Variants in SPEN observed in about 807,000 individuals in gnomAD.
SPEN encodes the protein msx2-interacting protein.
A neutral mutation model predicts 269.9 loss-of-function variants in SPEN; 18 were observed. That is an observed-to-expected ratio of 0.07 (90% CI 0.05 to 0.10). SPEN has a LOEUF of 0.10. Among genes scored for constraint, SPEN ranks in the 10% least tolerant of loss-of-function variants. SPEN has a pLI of 1.00. For synonymous variants in SPEN, 1,726 were observed against 1,765.7 expected (o/e 0.98, Z 0.56); for missense variants, 3,822 against 4,631.2 (o/e 0.83, Z 5.07).
In SPEN at chr1:15,932,549, G is replaced by A. The variant is rs768190118; in HGVS notation, c.6309G>A (p.Arg2103=). ...ATGTGGATGCTGCTGTCAGTCCCAG[G>A]GGGGCTGCAGCACAGGCAGGGGAGA... ...LKNVDAAVSP[R]GAAAQAGERE... is the part of the protein sequence containing the mutation. Residue 2103 remains arginine (R), a synonymous_variant, in exon 11 of 15, where the codon AGG becomes AGA. Coordinates refer to ENST00000375759, the MANE Select transcript of SPEN (RefSeq NM_015001.3). The surrounding 1 kb of genome is among the most constrained non-coding windows in gnomAD (Gnocchi z 4.2). 19 of 1,599,850 alleles carry A rather than the reference G, an allele frequency of 1.2e-5. No homozygotes were observed. The highest frequency in any genetic ancestry group is 1.1e-4 in the South Asian group (10 of 89,558).
intron 3 of SPEN, among the ~76,000 whole-genome samples, chr1:15,883,807 CTTTTTTTTTTTT>C (rs36018800): frequency 1.4e-5 from 1 of 69,550 alleles, no homozygotes; most frequent in African/African-American, 4.8e-5. Flanking sequence ...ATTTAAGATT[CTTTTTTTTTTTT>C]TTTTTTTTGA....
intron 3 of SPEN, among the ~76,000 whole-genome samples, chr1:15,881,231 A>G (rs1286089446): frequency 1.3e-5 from 2 of 152,126 alleles, no homozygotes; most frequent in Non-Finnish European, 2.9e-5. Flanking sequence ...CTGCCTCCCA[A>G]GTGCTAGGAT....
Position 15,928,722 on chromosome 1 carries a change from G to T in SPEN, c.2482G>T (p.Val828Phe). The change falls in exon 11 of 15, where the codon GTT becomes TTT. Residue 828 changes from valine (V) to phenylalanine (F), a missense_variant. Physicochemically the swap from Val to Phe is conservative, Grantham distance 50. Around this residue, in one of 16 missense-constraint regions of SPEN, gnomAD observed 572 missense variants for 582.6 expected, o/e 0.98. Coordinates refer to ENST00000375759, the MANE Select transcript of SPEN (RefSeq NM_015001.3). The surrounding 1 kb of genome is among the most constrained non-coding windows in gnomAD (Gnocchi z 5.7). ...KTDKQKRKGK[V>F]HSPSSQSSET... ...TGACAAGCAGAAACGCAAAGGAAAG[G>T]TTCACTCCCCTAGTTCTCAGTCTTC... The T allele has an allele frequency of 1.2e-6, 2 of 1,614,052 alleles. No individual in the cohort carries two copies. Among genetic ancestry groups the T allele is most frequent in the Non-Finnish European group, 1.7e-6 (2 of 1,180,032 alleles).
Position 15,916,122 on chromosome 1 carries a change from T to G in SPEN, c.1244-6T>G. 6.2e-7 allele frequency: 1 copy of G among 1,609,028 alleles called. No homozygotes were observed. Among genetic ancestry groups the G allele is most frequent in the Non-Finnish European group, 8.5e-7 (1 of 1,178,390 alleles). On this transcript the variant is annotated splice_region_variant and splice_polypyrimidine_tract_variant and intron_variant, in intron 5 of 14. Transcript: ENST00000375759. ...TCTTTTTACTCGGCCCCCATTCCAC[T>G]TACAGAAACAGAAAGTGAAAATGAA...
At chr1:15,862,935 G>A (rs1182404022) in intron 1 of SPEN, among the ~76,000 whole-genome samples, 1 of 152,020 alleles carries the variant, frequency 6.6e-6, no homozygotes, top group African/African-American at 2.4e-5. Context: ...CTAACTTTTT[G>A]TATTTTTAGT....
chr1:15,939,580 G>T lies in SPEN; in HGVS notation c.*153G>T. On this transcript the variant is annotated 3_prime_UTR_variant, in exon 15 of 15. Transcript: ENST00000375759. The surrounding 1 kb of genome is among the most constrained non-coding windows in gnomAD (Gnocchi z 4.1). The stretch of plus-strand genomic sequence containing the variant: ...TGCTGTCCTGCCGCCCGGCTCAGTC[G>T]GCCAGACTTCCTCTAGGAGTGGTGC... 5 of 915,720 alleles carry T rather than the reference G, an allele frequency of 5.5e-6. No homozygotes were observed. Among genetic ancestry groups the T allele is most frequent in the Non-Finnish European group, 7.9e-6 (5 of 636,926 alleles). The allele number at this position is 915,720 out of a possible 1,614,324, so 56.7% of individuals were successfully genotyped here.
rs1369676611 is a variant in SPEN at position 15,936,033 on chromosome 1, G to A, written c.9793G>A (p.Gly3265Ser). 1.9e-6 allele frequency: 3 copies of A among 1,574,326 alleles called. No homozygotes were observed. Among genetic ancestry groups the A allele is most frequent in the African/African-American group, 2.9e-5 (2 of 68,856 alleles). ...PLPAPAPAPH[G>S]EARILTVTPS... ...TCCTGCCCCTGCTCCTGCCCCTCAT[G>A]GTGAGGCCCGTATCCTCACAGTTAC... The change falls in exon 11 of 15, where the codon GGT (glycine) becomes AGT (serine). Residue 3265 changes from glycine to serine, a missense_variant. Coordinates refer to ENST00000375759, the MANE Select transcript of SPEN (RefSeq NM_015001.3).
At chr1:15,918,376 G>A (rs998330762) in intron 6 of SPEN, among the ~76,000 whole-genome samples, 13 of 152,322 alleles carry the variant, frequency 8.5e-5, no homozygotes, top group Admixed American at 3.9e-4. Context: ...GTGCCGCCAT[G>A]CCTGGCTAAT....
At chr1:15,883,402 C>G (rs1369225101) in intron 3 of SPEN, among the ~76,000 whole-genome samples, 2 of 152,162 alleles carry the variant, frequency 1.3e-5, no homozygotes, top group African/African-American at 4.8e-5. Flanking sequence ...AGTGTGTTAG[C>G]TTTGCATTAG....
chr1:15,890,557 G>GATTTTTTTTTTTTTTTTTT (rs1253450395), intron 3 of SPEN, among the ~76,000 whole-genome samples: 1 of 139,462 alleles, frequency 7.2e-6, no homozygotes. Context: ...TTTTGACTCA[G>GATTTTTTTTTTTTTTTTTT]GTTTTTTTTT....
rs138247483 is a variant in SPEN, at chr1:15,854,665, G to A, written c.83+6515G>A. Among the ~76,000 whole-genome samples the A allele has an allele frequency of 4.4e-3, 674 of 152,062 alleles. 3 individuals are homozygous for A. The highest frequency in any genetic ancestry group is 0.014 in the African/African-American group (591 of 41,452). ...ACACCCAGCTAATTTTGTGTTTTTA[G>A]TAGAGACGGGGTTTCTCTGTGTTGA... is the stretch of plus-strand genomic sequence containing the variant. On this transcript the variant is annotated intron_variant, in intron 1 of 14. Transcript: ENST00000375759.
chr1:15,856,472 A>G (rs1008038221), intron 1 of SPEN, among the ~76,000 whole-genome samples: 1 of 150,132 alleles, frequency 6.7e-6, no homozygotes, highest in South Asian at 2.1e-4. Context: ...AATCATATAT[A>G]TTTTCATATT....
At chr1:15,859,657 C>T (rs1226669870) in intron 1 of SPEN, among the ~76,000 whole-genome samples, 2 of 152,046 alleles carry the variant, frequency 1.3e-5, no homozygotes, top group African/African-American at 4.8e-5. Flanking sequence ...GCTTGAGCCA[C>T]TGTGCCCGGC....
Position 15,931,792 on chromosome 1 carries a change from A to G in SPEN, c.5552A>G (p.Lys1851Arg). The G allele has an allele frequency of 6.2e-7, 1 of 1,614,158 alleles. No individual in the cohort carries two copies. Among genetic ancestry groups the G allele is most frequent in the Non-Finnish European group, 8.5e-7 (1 of 1,180,018 alleles). The change falls in exon 11 of 15, where the codon AAA (lysine) becomes AGA (arginine). Residue 1851 changes from lysine to arginine, a missense_variant. This residue lies in a region of SPEN where 533 missense variants were observed against 618.8 expected (regional missense o/e 0.86). Coordinates refer to ENST00000375759, the MANE Select transcript of SPEN (RefSeq NM_015001.3). The surrounding 1 kb of genome is among the most constrained non-coding windows in gnomAD (Gnocchi z 4.8). The part of the protein sequence containing the change: ...TRKSERIDRE[K>R]LKRSNSPRGE... ...AAGAGTGAGAGGATAGACCGGGAAA[A>G]ACTCAAGCGGTCCAATTCTCCTCGG...
At chr1:15,887,276 ATTTTT>A (rs34435171) in intron 3 of SPEN, among the ~76,000 whole-genome samples, 8 of 82,316 alleles carry the variant, frequency 9.7e-5, no homozygotes, top group Admixed American at 3.5e-4. Flanking sequence ...CCTGGCCTGA[ATTTTT>A]TTTTTTTTTT....
chr1:15,905,741 T>G (rs2070949642), intron 3 of SPEN, among the ~76,000 whole-genome samples: 1 of 151,206 alleles, frequency 6.6e-6, no homozygotes, highest in Non-Finnish European at 1.5e-5. Flanking sequence ...CCCAGCCAAT[T>G]TTTTTGTATT....
rs545317719 is a variant in SPEN, at chr1:15,939,858, C to A, written c.*431C>A. 145 of 234,334 alleles carry A rather than the reference C, an allele frequency of 6.2e-4. 4 individuals carry two copies. The East Asian group carries it at 8.3e-3, about 13-fold the overall frequency. The allele number at this position is 234,334 out of a possible 1,614,324, so 14.5% of individuals were successfully genotyped here. On this transcript the variant is annotated 3_prime_UTR_variant, in exon 15 of 15. Coordinates refer to ENST00000375759, the MANE Select transcript of SPEN (RefSeq NM_015001.3). This position sits in a 1 kb window ranked among gnomAD's most constrained non-coding sequence, Gnocchi z 4.1. ...CTGGATGTCTTGGTGTGTGTAGACA[C>A]ACATTGCAGACTCTTAACGCAGGAA...
chr1:15,875,709 C>A (rs12136202), intron 2 of SPEN, among the ~76,000 whole-genome samples: 21,009 of 152,056 alleles, frequency 0.14, 2,391 homozygotes, highest in African/African-American at 0.31. Flanking sequence ...TTCTGGACTT[C>A]TTGAAAGTCC....
At chr1:15,915,595 C>T (rs183688887) in intron 5 of SPEN, among the ~76,000 whole-genome samples, 231 of 152,242 alleles carry the variant, frequency 1.5e-3, no homozygotes, top group Middle Eastern at 6.8e-3. Context: ...AGTGCAGTGG[C>T]GTGATCACAG....
Sources: gnomAD v4.1 joint callset for allele counts (sites outside exome capture counted in the v4.1 genomes callset) on GRCh38, gnomAD v4.1.1 for gene constraint, gnomAD v4.1.1 regional missense constraint, Gnocchi (gnomAD v3.1) non-coding constraint, MANE v1.5 for transcripts, NCBI Gene and HGNC (gene_info 2026-07-23, HGNC 2026-07-21) for gene names.